TAF1B: variants seen among roughly 807,000 people sequenced by gnomAD.
TAF1B encodes the protein TATA box-binding protein-associated factor RNA polymerase I subunit B.
A neutral mutation model predicts 83.9 loss-of-function variants in TAF1B; 61 were observed. The observed-to-expected ratio is 0.73, with a 90% CI of 0.59 to 0.90. The LOEUF (loss-of-function observed/expected upper bound fraction) is 0.90, where lower values mean the gene tolerates loss of function less well. Among genes scored for constraint, TAF1B ranks in the 40% least tolerant of loss-of-function variants. The pLI, the probability that TAF1B is intolerant of heterozygous loss-of-function variation, is 0.00. For missense variants in TAF1B, 625 were observed against 677.0 expected (o/e 0.92, Z 0.85); for synonymous variants, 221 against 224.6 (o/e 0.98, Z 0.14).
intron 6 of TAF1B, among the ~76,000 whole-genome samples, chr2:9,875,402 G>T (rs1367978358): frequency 6.6e-6 from 1 of 152,124 alleles, no homozygotes; most frequent in Non-Finnish European, 1.5e-5. Context: ...CTAGTTTTAA[G>T]ATAATTGTAT....
intron 14 of TAF1B, among the ~76,000 whole-genome samples, chr2:9,923,421 G>A (rs1665938393): frequency 6.6e-6 from 1 of 152,034 alleles, no homozygotes; most frequent in African/African-American, 2.4e-5. Flanking sequence ...GTTCACACCT[G>A]TAATCCCAGC....
At chr2:9,876,951 T>C (rs1664337698) in intron 7 of TAF1B, among the ~76,000 whole-genome samples, 1 of 152,200 alleles carries the variant, frequency 6.6e-6, no homozygotes, top group Non-Finnish European at 1.5e-5. Context: ...ATCGTCATTA[T>C]TGGCTCAGCC....
chr2:9,923,803 A>G (rs921392167), intron 14 of TAF1B, among the ~76,000 whole-genome samples: 6 of 152,226 alleles, frequency 3.9e-5, no homozygotes, highest in Non-Finnish European at 8.8e-5. Flanking sequence ...GGTCATGTCA[A>G]TGATTTTCAG....
chr2:9,911,866 T>C (rs1282646896), intron 11 of TAF1B, among the ~76,000 whole-genome samples: 1 of 152,210 alleles, frequency 6.6e-6, no homozygotes, highest in Non-Finnish European at 1.5e-5. Context: ...ATTCTGATGC[T>C]TTCAGCCTTT....
At chr2:9,901,894 A>C (rs391889) in intron 8 of TAF1B, among the ~76,000 whole-genome samples, 42,448 of 152,052 alleles carry the variant, frequency 0.28, 6,915 homozygotes, top group Middle Eastern at 0.39. Context: ...CCAACATTAA[A>C]AAAAAAACTT....
Position 9,915,354 on chromosome 2 carries a change from G to A in TAF1B, c.1271+2105G>A, listed in dbSNP as rs572491008. On this transcript the variant is annotated intron_variant, in intron 12 of 14. Transcript: ENST00000263663. ...CTCTGCTCCACAAAAGAACTTAAACGAATAAGAAGCTACAGACGAGGAGAA... is the reference window on the plus strand; with the variant it reads ...CTCTGCTCCACAAAAGAACTTAAACAAATAAGAAGCTACAGACGAGGAGAA... Among the ~76,000 whole-genome samples, 15 of 152,168 alleles carry A rather than the reference G, an allele frequency of 9.9e-5. 1 individual carries two copies. In the East Asian group the frequency reaches 2.1e-3, roughly 22 times the overall value.
intron 9 of TAF1B, among the ~76,000 whole-genome samples, chr2:9,905,272 G>A (rs514905): frequency 0.51 from 78,185 of 151,996 alleles, 23,119 homozygotes; most frequent in Non-Finnish European, 0.68. Context: ...TGATTTTTAT[G>A]GTAAGTTTGC....
At chr2:9,861,904 A>C (rs922652566) in intron 5 of TAF1B, among the ~76,000 whole-genome samples, 1 of 152,186 alleles carries the variant, frequency 6.6e-6, no homozygotes, top group African/African-American at 2.4e-5. Flanking sequence ...TAGAAGGAAA[A>C]CTAACAAACA....
intron 14 of TAF1B, among the ~76,000 whole-genome samples, chr2:9,931,859 G>T (rs958247560): frequency 2.5e-4 from 38 of 152,140 alleles, no homozygotes; most frequent in Non-Finnish European, 4.6e-4. Flanking sequence ...TGGAGGCTTT[G>T]TTTGTTTCTT....
In TAF1B at chr2:9,902,021, A is replaced by G. The variant is rs565904507; in HGVS notation, c.808-2838A>G. ...GAAGGCATTTTTCCTAAGGAAATGT[A>G]AGAGTTTAGCTATTGAAATAGTTGT... On this transcript the variant is annotated intron_variant, in intron 8 of 14. Transcript: ENST00000263663. Among the ~76,000 whole-genome samples, 4 of 152,296 alleles carry G rather than the reference A, an allele frequency of 2.6e-5. No homozygotes were observed. In the South Asian group the frequency reaches 8.3e-4, roughly 32 times the overall value.
intron 6 of TAF1B, among the ~76,000 whole-genome samples, chr2:9,871,022 G>A (rs190447839): frequency 1.2e-3 from 181 of 151,880 alleles, no homozygotes; most frequent in African/African-American, 4.2e-3. Context: ...GATCTGCTCT[G>A]ATCTAGAATG....
intron 7 of TAF1B, among the ~76,000 whole-genome samples, chr2:9,879,583 A>G (rs1026825849): frequency 7.2e-5 from 11 of 152,192 alleles, no homozygotes; most frequent in African/African-American, 2.7e-4. Flanking sequence ...CTGTACTGGC[A>G]TTCCGGGTAG....
Position 9,871,284 on chromosome 2 carries a change from G to T in TAF1B, c.553+2855G>T, listed in dbSNP as rs929426649. ...TTTTTAGTAGAGACGGGGTTTCATC[G>T]TGTTAGCCAGGATGGCCTCGATCTC... is the stretch of plus-strand genomic sequence containing the variant. On this transcript the variant is annotated intron_variant, in intron 6 of 14. Coordinates refer to ENST00000263663, the MANE Select transcript of TAF1B (RefSeq NM_005680.3). Among the ~76,000 whole-genome samples, 4 of 151,948 alleles carry T rather than the reference G, an allele frequency of 2.6e-5. No homozygotes were observed. The South Asian group carries it at 6.3e-4, about 24-fold the overall frequency.
intron 5 of TAF1B, among the ~76,000 whole-genome samples, chr2:9,858,081 G>T (rs189680782): frequency 6.6e-6 from 1 of 152,238 alleles, no homozygotes; most frequent in South Asian, 2.1e-4. Flanking sequence ...TCCAAAGTCT[G>T]ATCTGAGACA....
rs1665636210 is a variant in TAF1B, at chr2:9,914,855, T to C, written c.1271+1606T>C. 6.6e-6 allele frequency among the ~76,000 whole-genome samples: 1 copy of C among 152,174 alleles called. No homozygotes were observed. Among genetic ancestry groups the C allele is most frequent in the South Asian group, 2.1e-4 (1 of 4,820 alleles). ...TATGCGAAGCACTACCAACTGCTGCTCAGGCCCAGAGCTCAGTGCGTGGTG... is the reference window on the plus strand; with the variant it reads ...TATGCGAAGCACTACCAACTGCTGCCCAGGCCCAGAGCTCAGTGCGTGGTG... On this transcript the variant is annotated intron_variant, in intron 12 of 14. Transcript: ENST00000263663. The surrounding 1 kb of genome is among the most constrained non-coding windows in gnomAD (Gnocchi z 4.3).
chr2:9,913,829 G>C (rs1485942656), intron 12 of TAF1B: 1 of 152,250 alleles, frequency 6.6e-6, no homozygotes, highest in Non-Finnish European at 1.5e-5. Context: ...TTTGAATCCT[G>C]TCTGCATTAC....
At chr2:9,890,804 CTT>C (rs1664847586) in intron 8 of TAF1B, among the ~76,000 whole-genome samples, 1 of 152,066 alleles carries the variant, frequency 6.6e-6, no homozygotes, top group South Asian at 2.1e-4. Flanking sequence ...GAGTTTCCCT[CTT>C]GTTGCCCAGG....
rs1572239276 is a variant in TAF1B at position 9,875,978 on chromosome 2, C to T, written c.667C>T (p.Leu223Phe). Residue 223 changes from leucine (L) to phenylalanine (F), a missense_variant, in exon 7 of 15, where the codon CTT (leucine) becomes TTT (phenylalanine). Transcript: ENST00000263663. ...ACTTGCCTTCTGTTATCTGTCCTTA[C>T]TTTGGCAGAGAGAAGCAATAACACT... ...QTLAFCYLSL[L>F]WQREAITLSD... is the part of the protein sequence containing the mutation. 3 of 1,612,908 alleles carry T rather than the reference C, an allele frequency of 1.9e-6. No individual in the cohort carries two copies. The highest frequency in any genetic ancestry group is 1.7e-6 in the Non-Finnish European group (2 of 1,179,124).
chr2:9,860,658 A>G (rs969663821), intron 5 of TAF1B, among the ~76,000 whole-genome samples: 7 of 152,202 alleles, frequency 4.6e-5, no homozygotes, highest in South Asian at 4.1e-4. Context: ...CTTGGGAACA[A>G]TGTGAAGTAA....
Sources: allele counts gnomAD v4.1 joint callset (sites outside exome capture counted in the v4.1 genomes callset), GRCh38; gene constraint gnomAD v4.1.1; non-coding constraint Gnocchi (gnomAD v3.1); transcripts MANE v1.5; gene names NCBI Gene and HGNC (gene_info 2026-07-23, HGNC 2026-07-21).